The following PTPN14 variants were observed in gnomAD, a reference collection of about 807,000 sequenced individuals.
PTPN14 encodes protein tyrosine phosphatase non-receptor type 14.
PTPN14 carries 53 observed loss-of-function variants against 126.8 expected under a neutral mutation model. The observed-to-expected ratio is 0.42, with a 90% confidence interval of 0.34 to 0.53. PTPN14 has a LOEUF of 0.53. Ranked by LOEUF, PTPN14 falls within the 20% of genes least tolerant of loss-of-function variation. PTPN14 has a pLI of 0.08. For missense variants in PTPN14, 1,257 were observed against 1,552.9 expected (o/e 0.81, Z 3.20); for synonymous variants, 630 against 599.3 (o/e 1.05, Z -0.75).
At chr1:214,409,616 T>C (rs1234783141) in intron 5 of PTPN14, among the ~76,000 whole-genome samples, 1 of 152,206 alleles carries the variant, frequency 6.6e-6, no homozygotes, top group Non-Finnish European at 1.5e-5. Flanking sequence ...GGTAGTTCTA[T>C]TTTTAATTTT....
intron 11 of PTPN14, among the ~76,000 whole-genome samples, chr1:214,388,898 CA>C (rs1010074683): frequency 6.6e-5 from 10 of 151,944 alleles, no homozygotes; most frequent in African/African-American, 2.2e-4. Context: ...TTGCCACAAA[CA>C]ATGCTTGATC....
At chr1:214,368,196 T>TTTTATTTATTTATTTATTTATTTA (rs142403379) in intron 17 of PTPN14, among the ~76,000 whole-genome samples, 1,607 of 146,300 alleles carry the variant, frequency 0.011, 25 homozygotes, top group Middle Eastern at 0.042. Context: ...TGTTATTCGT[T>TTTTATTTATTTATTTATTTATTTA]TTTATTTATT....
At chr1:214,505,616 C>G (rs964672710) in intron 1 of PTPN14, among the ~76,000 whole-genome samples, 1 of 152,210 alleles carries the variant, frequency 6.6e-6, no homozygotes, top group African/African-American at 2.4e-5. Context: ...TAGTTTGCAG[C>G]TGGGTGCAGT....
intron 3 of PTPN14, among the ~76,000 whole-genome samples, chr1:214,444,520 T>C (rs942064397): frequency 6.6e-6 from 1 of 152,158 alleles, no homozygotes; most frequent in Non-Finnish European, 1.5e-5. Flanking sequence ...AAATAAAGGG[T>C]GTTGTAAAAG....
At chr1:214,501,190 G>C (rs1447123557) in intron 1 of PTPN14, among the ~76,000 whole-genome samples, 1 of 152,170 alleles carries the variant, frequency 6.6e-6, no homozygotes, top group Non-Finnish European at 1.5e-5. Flanking sequence ...CTGTTATTAA[G>C]CCATGTGAGA....
At position 214,464,620 on chromosome 1, in the gene PTPN14, C is replaced by A; in HGVS notation, c.174+10G>T. On this transcript the variant is annotated intron_variant, in intron 2 of 18. Transcript: ENST00000366956. ...ACGCGCACATGCGCACACAGACACA[C>A]CCCTCTTACCTCTCGCAGCTCCAGC... 1 of 1,613,280 alleles carries A rather than the reference C, an allele frequency of 6.2e-7. No individual in the cohort carries two copies. The highest frequency in any genetic ancestry group is 1.1e-5 in the South Asian group (1 of 91,068).
At chr1:214,531,492 C>T (rs1417793738) in intron 1 of PTPN14, 1 of 106,116 alleles carries the variant, frequency 9.4e-6, no homozygotes, top group Admixed American at 9.6e-5. Context: ...TCTCTACAAC[C>T]CAGCCTAACA....
intron 2 of PTPN14, among the ~76,000 whole-genome samples, chr1:214,461,702 T>G (rs1270797582): frequency 6.6e-6 from 1 of 152,048 alleles, no homozygotes; most frequent in Non-Finnish European, 1.5e-5. Context: ...CCCAGCACTT[T>G]GGGAGACCAA....
intron 2 of PTPN14, among the ~76,000 whole-genome samples, chr1:214,456,224 A>G (rs1294216313): frequency 6.6e-6 from 1 of 152,236 alleles, no homozygotes; most frequent in Non-Finnish European, 1.5e-5. Context: ...CAGAAGCAAA[A>G]GTTTAAAATA....
chr1:214,405,429 T>G (rs1003302095), intron 5 of PTPN14, among the ~76,000 whole-genome samples: 1 of 152,174 alleles, frequency 6.6e-6, no homozygotes, highest in Non-Finnish European at 1.5e-5. Flanking sequence ...ATAGGGCTTT[T>G]GTGCAATGAC....
chr1:214,353,408 C>T lies in PTPN14; in HGVS notation c.*4514G>A, dbSNP rs1657744817. On this transcript the variant is annotated 3_prime_UTR_variant, in exon 19 of 19. Transcript: ENST00000366956. ...CTTTTTGGAACTTTGTGGGTTTCCC[C>T]TCTTCCCCAAATATTTTTCAATCTG... 1 of 152,190 alleles carries T rather than the reference C, an allele frequency of 6.6e-6. No homozygotes were observed. Among genetic ancestry groups the T allele is most frequent in the South Asian group, 2.1e-4 (1 of 4,828 alleles). The allele number at this position is 152,190 out of a possible 1,614,324, so 9.4% of individuals were successfully genotyped here.
At chr1:214,410,334 G>C (rs147623416) in intron 5 of PTPN14, among the ~76,000 whole-genome samples, 2,540 of 144,546 alleles carry the variant, frequency 0.018, 84 homozygotes, top group African/African-American at 0.062. Context: ...CTTGCTTTGT[G>C]GCCAGGCTGG....
At chr1:214,395,020 C>A (rs115817682) in intron 8 of PTPN14, 34 bp from the exon 9 acceptor site, 1 of 1,557,696 alleles carries the variant, frequency 6.4e-7, no homozygotes, top group Admixed American at 1.7e-5. Flanking sequence ...GTTTACTCAA[C>A]AATGTTCCAG....
chr1:214,412,266 TC>T, intron 4 of PTPN14, among the ~76,000 whole-genome samples: 1 of 152,336 alleles, frequency 6.6e-6, no homozygotes, highest in Middle Eastern at 3.4e-3. Context: ...TTCCCTGTTT[TC>T]ATGTCACCGT....
intron 3 of PTPN14, among the ~76,000 whole-genome samples, chr1:214,424,366 AC>A (rs1278255139): frequency 3.9e-5 from 6 of 152,146 alleles, no homozygotes; most frequent in Admixed American, 1.3e-4. Context: ...GACATAACAA[AC>A]AAACACAAAA....
chr1:214,490,508 A>G (rs1469201380), intron 1 of PTPN14, among the ~76,000 whole-genome samples: 1 of 152,120 alleles, frequency 6.6e-6, no homozygotes, highest in East Asian at 1.9e-4. Flanking sequence ...AAATGAGAAT[A>G]CTGTGGAAGA....
intron 13 of PTPN14, among the ~76,000 whole-genome samples, chr1:214,381,543 T>C (rs1658472552): frequency 1.3e-5 from 2 of 152,206 alleles, no homozygotes; most frequent in Admixed American, 1.3e-4. Context: ...AGCACTACTC[T>C]AGTGGGGCTG....
At chr1:214,423,352 T>C (rs920568847) in intron 3 of PTPN14, among the ~76,000 whole-genome samples, 2 of 151,864 alleles carry the variant, frequency 1.3e-5, no homozygotes, top group Non-Finnish European at 2.9e-5. Flanking sequence ...AAAAGAAAGA[T>C]AAGAAAAAGA....
chr1:214,467,477 T>C (rs1660666081), intron 1 of PTPN14, among the ~76,000 whole-genome samples: 1 of 152,202 alleles, frequency 6.6e-6, no homozygotes, highest in African/African-American at 2.4e-5. Flanking sequence ...CTCTACTACA[T>C]ATTCTATGGG....
Sources: allele counts gnomAD v4.1 joint callset (sites outside exome capture counted in the v4.1 genomes callset), GRCh38; gene constraint gnomAD v4.1.1; transcripts MANE v1.5; gene names NCBI Gene and HGNC (gene_info 2026-07-23, HGNC 2026-07-21).